The following EPHB3 variants were observed in gnomAD, a reference collection of about 807,000 sequenced individuals.
EPHB3 encodes the protein EPH receptor B3, also known as ephrin type-B receptor 3.
EPHB3 carries 33 observed loss-of-function variants against 100.2 expected under a neutral mutation model. That is an observed-to-expected ratio of 0.33 (90% CI 0.25 to 0.44). The LOEUF is 0.44. Among genes scored for constraint, EPHB3 ranks in the 20% least tolerant of loss-of-function variants. The pLI is 1.00. For synonymous variants in EPHB3, 526 were observed against 554.7 expected (o/e 0.95, Z 0.73); for missense variants, 1,045 against 1,378.3 (o/e 0.76, Z 3.83).
rs548641835 is a variant in EPHB3 at position 184,579,075 on chromosome 3, C to G, written c.1802-402C>G. Among the ~76,000 whole-genome samples, 2 of 152,178 alleles carry G rather than the reference C, an allele frequency of 1.3e-5. No homozygotes were observed. The highest frequency in any genetic ancestry group is 3.9e-4 in the East Asian group (2 of 5,168). On this transcript the variant is annotated intron_variant, in intron 9 of 15. Coordinates refer to ENST00000330394, the MANE Select transcript of EPHB3 (RefSeq NM_004443.4). This position sits in a 1 kb window ranked among gnomAD's most constrained non-coding sequence, Gnocchi z 5.2. The stretch of plus-strand genomic sequence containing the variant: ...TCCACCATAGGTAATTGGAAAGGCT[C>G]TCAAGCTGGGGAGTAATACAATGAA...
rs760101021 is a variant in EPHB3, at chr3:184,576,993, C to T, written c.1164C>T (p.Ala388=). The change falls in exon 5 of 16, where the codon GCC becomes GCT. Residue 388 remains alanine (A), a synonymous_variant. Transcript: ENST00000330394. ...GCCATGGGGCTGGAGGGGCCTCAGC[C>T]TGCTCACGCTGTGATGACAACGTGG... ...KKCHGAGGAS[A]CSRCDDNVEF... The T allele has an allele frequency of 3.7e-6, 6 of 1,613,696 alleles. No individual in the cohort carries two copies. The South Asian group carries it at 6.6e-5, about 18-fold the overall frequency.
rs759394262 is a variant in EPHB3, at chr3:184,577,356, G to A, written c.1368G>A (p.Val456=). ...TGCTCTTCCCAGCCCCGTCTGAAGT[G>A]CCCACACTACGCCTGCACAGCAGCT... The part of the protein sequence containing the change: ...ITTNQAAPSE[V]PTLRLHSSSG... Residue 456 remains valine, a synonymous_variant, in exon 6 of 16, where the codon GTG becomes GTA. Transcript: ENST00000330394. This position sits in a 1 kb window ranked among gnomAD's most constrained non-coding sequence, Gnocchi z 4.9. 9.3e-6 allele frequency: 15 copies of A among 1,613,674 alleles called. No homozygotes were observed. The highest frequency in any genetic ancestry group is 1.7e-5 in the Admixed American group (1 of 60,010).
At position 184,573,821 on chromosome 3, in the gene EPHB3, A is replaced by G. The variant is rs962969780; in HGVS notation, c.856+645A>G. Among the ~76,000 whole-genome samples the G allele has an allele frequency of 2.0e-5, 3 of 151,474 alleles. No homozygotes were observed. Among genetic ancestry groups the G allele is most frequent in the Non-Finnish European group, 4.4e-5 (3 of 67,902 alleles). ...CAACCTCCACCTCCCAGGTTCAAAC[A>G]ATTCTCCTGCCTCAGCCTCCTGAGT... is the stretch of plus-strand genomic sequence containing the variant. On this transcript the variant is annotated intron_variant, in intron 3 of 15. Transcript: ENST00000330394. The surrounding 1 kb of genome is among the most constrained non-coding windows in gnomAD (Gnocchi z 4.5).
Position 184,562,252 on chromosome 3 carries a change from C to T in EPHB3, c.17C>T (p.Pro6Leu), listed in dbSNP as rs930603848. 5 of 971,982 alleles carry T rather than the reference C, an allele frequency of 5.1e-6. No homozygotes were observed. Among genetic ancestry groups the T allele is most frequent in the Non-Finnish European group, 6.5e-6 (5 of 772,346 alleles). 60.2% of individuals were successfully genotyped at this position (971,982 alleles called of 1,614,324 possible). A position where few individuals can be genotyped will look rare whatever the true frequency, so the allele number is the denominator to read the frequency against. Residue 6 changes from proline (P) to leucine (L), a missense_variant, in exon 1 of 16, where the codon CCG becomes CTG. Pro to Leu is a moderately conservative substitution (Grantham distance 98). This residue lies in a region of EPHB3 where 60 missense variants were observed against 47.2 expected (regional missense o/e 1.27). Transcript: ENST00000330394. This position sits in a 1 kb window ranked among gnomAD's most constrained non-coding sequence, Gnocchi z 4.8. Reference protein sequence around the residue: MARARPPPPPSPPPGL... With the variant: MARARLPPPPSPPPGL... ...GCCACGGCCATGGCCAGAGCCCGCC[C>T]GCCGCCGCCGCCGTCGCCGCCGCCG...
rs1363771618 is a variant in EPHB3, at chr3:184,571,450, T to G, written c.183+68T>G. The G allele has an allele frequency of 6.4e-7, 1 of 1,559,144 alleles. No homozygotes were observed. The highest frequency in any genetic ancestry group is 8.8e-7 in the Non-Finnish European group (1 of 1,133,736). ...GGCCTCCCCCCACTTCCAGCCTCCGTGCCCCCTCATCTCACCAGGGCCTGG... is the reference window on the plus strand; with the variant it reads ...GGCCTCCCCCCACTTCCAGCCTCCGGGCCCCCTCATCTCACCAGGGCCTGG... On this transcript the variant is annotated intron_variant, in intron 2 of 15. Transcript: ENST00000330394. This position sits in a 1 kb window ranked among gnomAD's most constrained non-coding sequence, Gnocchi z 5.0.
chr3:184,580,253 G>GT (rs761511281), intron 11 of EPHB3, 149 bp from the exon 12 acceptor site: 110 of 975,518 alleles, frequency 1.1e-4, no homozygotes, highest in Non-Finnish European at 1.5e-4. Flanking sequence ...TTGACACATA[G>GT]TAGGGCAGCT....
intron 11 of EPHB3, 130 bp downstream of exon 11, chr3:184,580,064 T>C: frequency 7.2e-7 from 1 of 1,381,458 alleles, no homozygotes; most frequent in Non-Finnish European, 9.8e-7. Flanking sequence ...TGCAGGGAAA[T>C]GGCAGGGCCT....
At position 184,575,992 on chromosome 3, in the gene EPHB3, G is replaced by T; in HGVS notation, c.1012+7G>T. The T allele has an allele frequency of 1.9e-6, 3 of 1,604,042 alleles. No homozygotes were observed. The highest frequency in any genetic ancestry group is 2.6e-6 in the Non-Finnish European group (3 of 1,174,326). On this transcript the variant is annotated splice_region_variant and intron_variant, in intron 4 of 15. Transcript: ENST00000330394. ...GCGGACAGTGCCTGTACCAGTGAGT[G>T]AACGCGTGACCTCTCTTTCCCTCTG...
chr3:184,564,366 T>C (rs1180042486), intron 1 of EPHB3, among the ~76,000 whole-genome samples: 1 of 152,174 alleles, frequency 6.6e-6, no homozygotes, highest in Admixed American at 6.5e-5. Flanking sequence ...CGTGGGAGAA[T>C]GTGAGGGAAC....
chr3:184,562,268 G>T lies in EPHB3; in HGVS notation c.33G>T (p.Ser11=). The T allele has an allele frequency of 8.5e-7, 1 of 1,174,818 alleles. No homozygotes were observed. The highest frequency in any genetic ancestry group is 1.1e-6 in the Non-Finnish European group (1 of 942,252). 72.8% of individuals were successfully genotyped at this position (1,174,818 alleles called of 1,614,324 possible). The part of the protein sequence containing the change: MARARPPPPP[S]PPPGLLPLLP... ...GAGCCCGCCCGCCGCCGCCGCCGTC[G>T]CCGCCGCCGGGGCTTCTGCCGCTGC... Residue 11 remains serine, a synonymous_variant, in exon 1 of 16, where the codon TCG becomes TCT. Coordinates refer to ENST00000330394, the MANE Select transcript of EPHB3 (RefSeq NM_004443.4). The surrounding 1 kb of genome is among the most constrained non-coding windows in gnomAD (Gnocchi z 4.8).
In EPHB3 at chr3:184,580,404, C is replaced by G. The variant is rs1369672926; in HGVS notation, c.2175C>G (p.Leu725=). 1 of 1,614,168 alleles carries G rather than the reference C, an allele frequency of 6.2e-7. No homozygotes were observed. Among genetic ancestry groups the G allele is most frequent in the Admixed American group, 1.7e-5 (1 of 60,028 alleles). Residue 725 remains leucine, a splice_region_variant and synonymous_variant, in exon 12 of 16, where the codon CTC becomes CTG. Transcript: ENST00000330394. Reference sequence around the variant, plus strand: ...CTGAGCCTGCTTGTTGCCTGCAGCTCAACGATGGGCAGTTCACGGTCATCC... The same window carrying G: ...CTGAGCCTGCTTGTTGCCTGCAGCTGAACGATGGGCAGTTCACGGTCATCC... ...ENCALDSFLR[L]NDGQFTVIQL...
chr3:184,581,363 G>C lies in EPHB3; in HGVS notation c.2843G>C (p.Ser948Thr). The change falls in exon 15 of 16, where the codon AGT (serine) becomes ACT (threonine). Residue 948 changes from serine (S) to threonine (T), a missense_variant. Ser to Thr is a moderately conservative substitution (Grantham distance 58). Coordinates refer to ENST00000330394, the MANE Select transcript of EPHB3 (RefSeq NM_004443.4). Reference sequence around the variant, plus strand: ...GGGCGGTACAAGGAGAGCTTCGTCAGTGCGGGGTTTGCATCTTTTGACCTG... The same window carrying C: ...GGGCGGTACAAGGAGAGCTTCGTCACTGCGGGGTTTGCATCTTTTGACCTG... ...KMGRYKESFV[S>T]AGFASFDLVA... The C allele has an allele frequency of 6.2e-7, 1 of 1,606,046 alleles. No individual in the cohort carries two copies. Among genetic ancestry groups the C allele is most frequent in the Non-Finnish European group, 8.5e-7 (1 of 1,175,726 alleles).
rs200910901 is a variant in EPHB3 at position 184,579,509 on chromosome 3, T to G, written c.1834T>G (p.Phe612Val). 2 of 1,613,950 alleles carry G rather than the reference T, an allele frequency of 1.2e-6. No homozygotes were observed. The highest frequency in any genetic ancestry group is 1.7e-6 in the Non-Finnish European group (2 of 1,179,958). The change falls in exon 10 of 16, where the codon TTT (phenylalanine) becomes GTT (valine). Residue 612 changes from phenylalanine to valine, a missense_variant. Transcript: ENST00000330394. This position sits in a 1 kb window ranked among gnomAD's most constrained non-coding sequence, Gnocchi z 5.2. ...TGGAATGAAGGTTTATATTGACCCT[T>G]TTACCTACGAGGACCCTAATGAGGC... The part of the protein sequence containing the change: ...APGMKVYIDP[F>V]TYEDPNEAVR...
rs1714563280 is a variant in EPHB3, at chr3:184,572,446, G to C, written c.184-58G>C. ...GTAAATAGAGCAGATCTGGGCACGA[G>C]GGAAGCACTTGGCAAATGCAGGCAT... On this transcript the variant is annotated intron_variant, in intron 2 of 15. Coordinates refer to ENST00000330394, the MANE Select transcript of EPHB3 (RefSeq NM_004443.4). This position sits in a 1 kb window ranked among gnomAD's most constrained non-coding sequence, Gnocchi z 6.6. 3 of 1,513,176 alleles carry C rather than the reference G, an allele frequency of 2.0e-6. No homozygotes were observed. Among genetic ancestry groups the C allele is most frequent in the Non-Finnish European group, 2.6e-6 (3 of 1,136,378 alleles). 93.7% of individuals were successfully genotyped at this position (1,513,176 alleles called of 1,614,324 possible).
Position 184,578,473 on chromosome 3 carries a change from T to G in EPHB3, c.1801+7T>G. On this transcript the variant is annotated splice_region_variant and intron_variant, in intron 9 of 15. Transcript: ENST00000330394. This position sits in a 1 kb window ranked among gnomAD's most constrained non-coding sequence, Gnocchi z 4.7. ...GAGAAGCTGCAGCAGTACAGTGAGT[T>G]TGTCCCCGCCGCCCTCCCCAAGCTC... is the stretch of plus-strand genomic sequence containing the variant. 6.2e-7 allele frequency: 1 copy of G among 1,613,316 alleles called. No homozygotes were observed. The highest frequency in any genetic ancestry group is 8.5e-7 in the Non-Finnish European group (1 of 1,179,736).
In EPHB3 at chr3:184,577,392, C is replaced by A; in HGVS notation, c.1404C>A (p.Ser468Arg). 6.2e-7 allele frequency: 1 copy of A among 1,613,978 alleles called. No individual in the cohort carries two copies. The highest frequency in any genetic ancestry group is 8.5e-7 in the Non-Finnish European group (1 of 1,180,026). ...GCCTGCACAGCAGCTCAGGCAGCAG[C>A]CTCACCCTATCCTGGGCACCCCCAG... is the stretch of plus-strand genomic sequence containing the variant. ...TLRLHSSSGSSLTLSWAPPER... is the reference protein window; with the variant it reads ...TLRLHSSSGSRLTLSWAPPER... The change falls in exon 6 of 16, where the codon AGC (serine) becomes AGA (arginine). Residue 468 changes from serine (S) to arginine (R), a missense_variant. By Grantham distance (110) the Ser-to-Arg change is moderately radical (BLOSUM62 -1). Around this residue, in one of 2 missense-constraint regions of EPHB3, gnomAD observed 985 missense variants for 1,331.1 expected, o/e 0.74. Transcript: ENST00000330394. This position sits in a 1 kb window ranked among gnomAD's most constrained non-coding sequence, Gnocchi z 4.9.
At chr3:184,576,791 A>T in intron 4 of EPHB3, 51 bp from the exon 5 acceptor site, 1 of 1,491,690 alleles carries the variant, frequency 6.7e-7, no homozygotes, top group East Asian at 2.3e-5. Context: ...GGGCAGAGGG[A>T]TGGTCCTAGA....
chr3:184,569,221 G>A lies in EPHB3; in HGVS notation c.119-2097G>A, dbSNP rs1430334614. Among the ~76,000 whole-genome samples, 2 of 151,968 alleles carry A rather than the reference G, an allele frequency of 1.3e-5. No homozygotes were observed. The highest frequency in any genetic ancestry group is 2.9e-5 in the Non-Finnish European group (2 of 67,946). ...GGCGGGCGGACCGGCGGGAGGACTG[G>A]CTGCGGGGGCAGGGCGCGCTTGCTC... On this transcript the variant is annotated intron_variant, in intron 1 of 15. Transcript: ENST00000330394. The surrounding 1 kb of genome is among the most constrained non-coding windows in gnomAD (Gnocchi z 5.4).
chr3:184,567,440 C>T (rs372394212), intron 1 of EPHB3, among the ~76,000 whole-genome samples: 6 of 152,192 alleles, frequency 3.9e-5, no homozygotes, highest in Admixed American at 1.3e-4. Flanking sequence ...CTTCCTCTAC[C>T]CCACTGGAAG....
Sources: allele counts gnomAD v4.1 joint callset (sites outside exome capture counted in the v4.1 genomes callset), GRCh38; gene constraint gnomAD v4.1.1; regional missense constraint gnomAD v4.1.1; non-coding constraint Gnocchi (gnomAD v3.1); transcripts MANE v1.5; gene names NCBI Gene and HGNC (gene_info 2026-07-23, HGNC 2026-07-21).